Variants in MAML3 observed in about 807,000 individuals in gnomAD.
MAML3 encodes the protein mastermind-like protein 3.
MAML3 carries 27 observed loss-of-function variants against 101.9 expected under a neutral mutation model. The ratio of observed to expected loss-of-function variants is 0.27; its 90% confidence interval spans 0.20 to 0.37. The LOEUF (loss-of-function observed/expected upper bound fraction) is 0.37. Ranked by LOEUF, MAML3 falls within the 10% of genes least tolerant of loss-of-function variation. The probability of loss-of-function intolerance (pLI) is 1.00; values close to 1 mark genes in which losing one functional copy is unlikely to be tolerated. For missense variants in MAML3, 1,316 were observed against 1,444.9 expected, an observed-to-expected ratio of 0.91 and a Z score of 1.45; for synonymous variants, 501 against 555.9, an observed-to-expected ratio of 0.90 and a Z score of 1.39.
intron 1 of MAML3, among the ~76,000 whole-genome samples, chr4:140,103,034 G>A (rs982054336): frequency 1.3e-5 from 2 of 152,070 alleles, no homozygotes; most frequent in Non-Finnish European, 2.9e-5. Flanking sequence ...CCATAATTTG[G>A]GCTTTGTTGT....
chr4:139,921,837 G>A (rs1733136885), intron 1 of MAML3, among the ~76,000 whole-genome samples: 1 of 152,168 alleles, frequency 6.6e-6, no homozygotes, highest in African/African-American at 2.4e-5. Flanking sequence ...TTAAACACTG[G>A]AGCTGTTTGC....
chr4:139,772,999 T>C (rs545216929), intron 2 of MAML3, among the ~76,000 whole-genome samples: 4 of 152,154 alleles, frequency 2.6e-5, no homozygotes, highest in South Asian at 2.1e-4. Flanking sequence ...TCTATGATCA[T>C]AGGATAATAT....
intron 1 of MAML3, among the ~76,000 whole-genome samples, chr4:140,076,442 G>T (rs1037018682): frequency 2.0e-5 from 3 of 152,212 alleles, no homozygotes; most frequent in African/African-American, 4.8e-5. Context: ...GCACGAAAAG[G>T]AGACAAATGA....
At chr4:139,721,122 C>G (rs1421225855) in intron 4 of MAML3, among the ~76,000 whole-genome samples, 2 of 152,210 alleles carry the variant, frequency 1.3e-5, no homozygotes, top group African/African-American at 4.8e-5. Context: ...CAGCAAAGTC[C>G]ATTCCTTCAA....
At chr4:140,072,800 T>C (rs1342355166) in intron 1 of MAML3, among the ~76,000 whole-genome samples, 1 of 152,138 alleles carries the variant, frequency 6.6e-6, no homozygotes, top group Non-Finnish European at 1.5e-5. Context: ...CCATCCCCCA[T>C]GGACACCAAG....
intron 1 of MAML3, among the ~76,000 whole-genome samples, chr4:139,989,882 C>CACACACACACAG (rs1385720650): frequency 0.03 from 1,900 of 63,036 alleles, 53 homozygotes; most frequent in African/African-American, 0.11. Context: ...CACACACACA[C>CACACACACACAG]AGAGAGAGAG....
intron 1 of MAML3, among the ~76,000 whole-genome samples, chr4:139,962,893 T>TC (rs1305203453): frequency 1.3e-5 from 2 of 149,402 alleles, no homozygotes; most frequent in African/African-American, 5.2e-5. Context: ...CCTTGGTGCT[T>TC]CTTTTTTTTA....
Position 139,866,090 on chromosome 4 carries a change from G to A in MAML3, c.2079+23267C>T, listed in dbSNP as rs148168831. 2.5e-3 allele frequency among the ~76,000 whole-genome samples: 383 copies of A among 152,348 alleles called. 1 individual carries two copies. The highest frequency in any genetic ancestry group is 8.9e-3 in the African/African-American group (370 of 41,584). On this transcript the variant is annotated intron_variant, in intron 2 of 4. Coordinates refer to ENST00000509479, the MANE Select transcript of MAML3 (RefSeq NM_018717.5). Reference sequence around the variant, plus strand: ...CCAGGGATGGAAAGGGAATTGGGTGGTCCAGGGAACCCAACCTGCAGAACC... The same window carrying A: ...CCAGGGATGGAAAGGGAATTGGGTGATCCAGGGAACCCAACCTGCAGAACC...
At chr4:139,744,512 C>T (rs1298173915) in intron 2 of MAML3, among the ~76,000 whole-genome samples, 1 of 152,192 alleles carries the variant, frequency 6.6e-6, no homozygotes, top group Non-Finnish European at 1.5e-5. Flanking sequence ...AACAAGTATA[C>T]CTCCCCCTGA....
intron 2 of MAML3, chr4:139,888,460 C>A: frequency 4.0e-6 from 2 of 497,828 alleles, no homozygotes; most frequent in South Asian, 1.5e-5. Context: ...CAGGGGGAGT[C>A]GCTTTAATGG....
At chr4:139,990,053 GT>G (rs1478382038) in intron 1 of MAML3, among the ~76,000 whole-genome samples, 1 of 152,078 alleles carries the variant, frequency 6.6e-6, no homozygotes, top group Non-Finnish European at 1.5e-5. Context: ...TAATTGTTTT[GT>G]TTTGACAAAG....
intron 1 of MAML3, among the ~76,000 whole-genome samples, chr4:140,130,209 A>G (rs371503724): frequency 6.6e-6 from 1 of 152,218 alleles, no homozygotes; most frequent in Non-Finnish European, 1.5e-5. Context: ...TTATCCGTGC[A>G]TCTCAGCAGA....
chr4:140,093,787 C>G (rs1264267937), intron 1 of MAML3, among the ~76,000 whole-genome samples: 1 of 152,152 alleles, frequency 6.6e-6, no homozygotes, highest in Non-Finnish European at 1.5e-5. Flanking sequence ...TCTATACCAT[C>G]ATGTGCTGCA....
chr4:139,831,284 CTTTTAATGAT>C (rs1159123534), intron 2 of MAML3, among the ~76,000 whole-genome samples: 2 of 152,104 alleles, frequency 1.3e-5, no homozygotes, highest in African/African-American at 4.8e-5. Flanking sequence ...TGTTTTTAAA[CTTTTAATGAT>C]TTTTAAAAAC....
chr4:139,850,774 G>C (rs1731533760), intron 2 of MAML3, among the ~76,000 whole-genome samples: 1 of 151,868 alleles, frequency 6.6e-6, no homozygotes, highest in Non-Finnish European at 1.5e-5. Context: ...AAACTCCTGA[G>C]CTCAAGTGAT....
At chr4:139,861,284 C>G (rs184182128) in intron 2 of MAML3, among the ~76,000 whole-genome samples, 47 of 152,174 alleles carry the variant, frequency 3.1e-4, no homozygotes, top group Admixed American at 5.9e-4. Context: ...CCCGAAGGCT[C>G]TATCCTCAAC....
chr4:140,094,504 A>G (rs548778701), intron 1 of MAML3, among the ~76,000 whole-genome samples: 67 of 152,290 alleles, frequency 4.4e-4, no homozygotes, highest in African/African-American at 1.6e-3. Flanking sequence ...GTCCTCACTC[A>G]TCTTCTCTCA....
In MAML3 at chr4:140,045,922, C is replaced by T. The variant is rs78511474; in HGVS notation, c.468+106938G>A. Among the ~76,000 whole-genome samples the T allele has an allele frequency of 2.7e-3, 413 of 152,192 alleles. 3 individuals are homozygous for T. Among genetic ancestry groups the T allele is most frequent in the African/African-American group, 9.2e-3 (381 of 41,516 alleles). ...CGTGGCCTAGTCTTCTAGGGTTAAG[C>T]GCAGCAACATGTTTTGGTGCGTGAG... On this transcript the variant is annotated intron_variant, in intron 1 of 4. Transcript: ENST00000509479.
At chr4:139,941,437 T>C (rs1464376847) in intron 1 of MAML3, among the ~76,000 whole-genome samples, 1 of 152,232 alleles carries the variant, frequency 6.6e-6, no homozygotes, top group African/African-American at 2.4e-5. Flanking sequence ...AGAGTACTTA[T>C]GTTTATTAAG....
Sources: gnomAD v4.1 joint callset for allele counts (sites outside exome capture counted in the v4.1 genomes callset) on GRCh38, gnomAD v4.1.1 for gene constraint, MANE v1.5 for transcripts, NCBI Gene and HGNC (gene_info 2026-07-23, HGNC 2026-07-21) for gene names.